TMEM108: variants seen among roughly 807,000 people sequenced by gnomAD.
The protein encoded by TMEM108 is cancer/testis antigen 124.
TMEM108 carries 12 observed loss-of-function variants against 35.1 expected under a neutral mutation model. That is an observed-to-expected ratio of 0.34 (90% CI 0.22 to 0.55). The LOEUF is 0.55. TMEM108 is among the 20% of genes least tolerant of loss of function. The pLI, the probability that TMEM108 is intolerant of heterozygous loss-of-function variation, is 0.89. For missense variants in TMEM108, 680 were observed against 753.3 expected (o/e 0.90, Z 1.14); for synonymous variants, 287 against 308.6 (o/e 0.93, Z 0.73).
intron 3 of TMEM108, among the ~76,000 whole-genome samples, chr3:133,261,600 C>G (rs550398999): frequency 6.6e-6 from 1 of 152,276 alleles, no homozygotes; most frequent in Admixed American, 6.5e-5. Context: ...TGAAAGCACT[C>G]TATTTTTCCC....
chr3:133,040,020 A>G (rs1379707773), intron 1 of TMEM108, among the ~76,000 whole-genome samples: 4 of 152,210 alleles, frequency 2.6e-5, no homozygotes, highest in Non-Finnish European at 5.9e-5. Context: ...GCCACCGGAA[A>G]TCAAATTTTG....
At chr3:133,177,112 C>A (rs1945244003) in intron 2 of TMEM108, among the ~76,000 whole-genome samples, 2 of 152,136 alleles carry the variant, frequency 1.3e-5, no homozygotes, top group African/African-American at 2.4e-5. Flanking sequence ...CAAGACTAAA[C>A]CAGGAAGAAG....
chr3:133,043,762 C>A (rs975042309), intron 1 of TMEM108, among the ~76,000 whole-genome samples: 1 of 152,048 alleles, frequency 6.6e-6, no homozygotes, highest in Non-Finnish European at 1.5e-5. Context: ...AAATAATTTA[C>A]ATGCTAGGAA....
intron 3 of TMEM108, among the ~76,000 whole-genome samples, chr3:133,231,209 AT>A (rs1946148659): frequency 6.6e-6 from 1 of 152,176 alleles, no homozygotes; most frequent in African/African-American, 2.4e-5. Flanking sequence ...TATAACTCAT[AT>A]ATTTTATATA....
chr3:133,157,958 CT>C (rs1203042051), intron 2 of TMEM108, among the ~76,000 whole-genome samples: 1 of 152,160 alleles, frequency 6.6e-6, no homozygotes, highest in Non-Finnish European at 1.5e-5. Flanking sequence ...TGCTTAGTCT[CT>C]TTAGACTGAA....
intron 3 of TMEM108, among the ~76,000 whole-genome samples, chr3:133,290,179 GAA>G (rs1947043138): frequency 6.6e-6 from 1 of 152,136 alleles, no homozygotes; most frequent in Non-Finnish European, 1.5e-5. Context: ...GGGAGGAGGT[GAA>G]ATTCTAGACA....
At chr3:133,330,513 A>G (rs1029690999) in intron 3 of TMEM108, among the ~76,000 whole-genome samples, 2 of 152,230 alleles carry the variant, frequency 1.3e-5, no homozygotes, top group Non-Finnish European at 2.9e-5. Flanking sequence ...CTAGAATGAC[A>G]TAGGAGAAAG....
intron 2 of TMEM108, among the ~76,000 whole-genome samples, chr3:133,070,328 G>A (rs1189266788): frequency 6.6e-6 from 1 of 152,160 alleles, no homozygotes; most frequent in Non-Finnish European, 1.5e-5. Flanking sequence ...GAGGACAAGA[G>A]AGGAGTACAA....
intron 2 of TMEM108, among the ~76,000 whole-genome samples, chr3:133,221,265 C>A (rs999264617): frequency 1.3e-5 from 2 of 152,136 alleles, no homozygotes; most frequent in Non-Finnish European, 2.9e-5. Context: ...AGCCCCCACC[C>A]AGGAGCCCAC....
intron 2 of TMEM108, among the ~76,000 whole-genome samples, chr3:133,227,429 G>A (rs1265121239): frequency 2.7e-5 from 4 of 148,768 alleles, no homozygotes; most frequent in African/African-American, 4.9e-5. Flanking sequence ...TCCTGACCTC[G>A]TGATCCGCCC....
intron 2 of TMEM108, among the ~76,000 whole-genome samples, chr3:133,215,520 A>T (rs1178676306): frequency 6.6e-6 from 1 of 152,160 alleles, no homozygotes; most frequent in Non-Finnish European, 1.5e-5. Context: ...ATGCGTGTCC[A>T]CTAATGACCA....
intron 3 of TMEM108, among the ~76,000 whole-genome samples, chr3:133,262,970 CTG>C (rs1191130786): frequency 1.3e-5 from 2 of 152,286 alleles, no homozygotes; most frequent in East Asian, 3.9e-4. Flanking sequence ...AAATGGGAAC[CTG>C]TATTGAAATA....
intron 3 of TMEM108, among the ~76,000 whole-genome samples, chr3:133,304,206 C>T (rs1273140139): frequency 2.6e-5 from 4 of 152,102 alleles, no homozygotes; most frequent in African/African-American, 7.2e-5. Context: ...GTGTATAATA[C>T]GGCTGTGGTC....
At chr3:133,294,744 T>G (rs547496683) in intron 3 of TMEM108, among the ~76,000 whole-genome samples, 4 of 152,220 alleles carry the variant, frequency 2.6e-5, no homozygotes, top group Admixed American at 2.0e-4. Flanking sequence ...GTTCAGGAAA[T>G]TGTAGGCCAG....
chr3:133,255,251 G>T (rs139705615), intron 3 of TMEM108, among the ~76,000 whole-genome samples: 3 of 152,250 alleles, frequency 2.0e-5, no homozygotes, highest in Non-Finnish European at 4.4e-5. Flanking sequence ...CCATTTTAGA[G>T]ACAGTCTGTT....
At chr3:133,269,297 A>G (rs1305480998) in intron 3 of TMEM108, among the ~76,000 whole-genome samples, 1 of 152,196 alleles carries the variant, frequency 6.6e-6, no homozygotes, top group Non-Finnish European at 1.5e-5. Flanking sequence ...CTGATAAATG[A>G]GCATTGAAAC....
At chr3:133,379,611 T>C in intron 3 of TMEM108, 141 bp from the exon 4 acceptor site, 1 of 802,290 alleles carries the variant, frequency 1.2e-6, no homozygotes, top group South Asian at 1.7e-5. Context: ...TCTGGTTCAG[T>C]GTAGGAGCAC....
intron 2 of TMEM108, among the ~76,000 whole-genome samples, chr3:133,202,387 G>C (rs1200515527): frequency 6.6e-6 from 1 of 152,124 alleles, no homozygotes; most frequent in Non-Finnish European, 1.5e-5. Flanking sequence ...GTCCTGAATG[G>C]TATTGCCTAG....
At chr3:133,111,075 C>T (rs1182797678) in intron 2 of TMEM108, among the ~76,000 whole-genome samples, 3 of 152,150 alleles carry the variant, frequency 2.0e-5, no homozygotes, top group African/African-American at 7.2e-5. Flanking sequence ...GATGTGTGCT[C>T]ATATCCTGTC....
Sources: allele counts gnomAD v4.1 joint callset (sites outside exome capture counted in the v4.1 genomes callset), GRCh38; gene constraint gnomAD v4.1.1; transcripts MANE v1.5; gene names NCBI Gene and HGNC (gene_info 2026-07-23, HGNC 2026-07-21).